PTPRQ: variants seen among roughly 807,000 people sequenced by gnomAD.
PTPRQ encodes phosphatidylinositol phosphatase PTPRQ.
A neutral mutation model predicts 246.0 loss-of-function variants in PTPRQ; 199 were observed. The ratio of observed to expected loss-of-function variants is 0.81; its 90% CI spans 0.72 to 0.91. The LOEUF is 0.91. Ranked by LOEUF, PTPRQ falls within the 40% of genes least tolerant of loss-of-function variation. The probability of loss-of-function intolerance (pLI) is 0.00; values close to 1 mark genes in which losing one functional copy is unlikely to be tolerated. For missense variants in PTPRQ, 2,624 were observed against 2,528.4 expected (o/e 1.04, Z -0.81); for synonymous variants, 869 against 853.2 (o/e 1.02, Z -0.32).
chr12:80,648,255 G>T (rs1900141092), intron 35 of PTPRQ, among the ~76,000 whole-genome samples: 1 of 151,934 alleles, frequency 6.6e-6, no homozygotes, highest in Non-Finnish European at 1.5e-5. Context: ...GTGCTAATTT[G>T]TTGTGCATGA....
At chr12:80,608,807 A>G (rs1008861147) in intron 27 of PTPRQ, among the ~76,000 whole-genome samples, 6 of 150,556 alleles carry the variant, frequency 4.0e-5, no homozygotes, top group African/African-American at 1.5e-4. Flanking sequence ...TGGGGCTCCA[A>G]TGAATGGGAC....
intron 8 of PTPRQ, among the ~76,000 whole-genome samples, chr12:80,484,061 A>C (rs1253838699): frequency 1.3e-5 from 2 of 151,716 alleles, no homozygotes; most frequent in African/African-American, 2.4e-5. Context: ...GCTGGAGTGC[A>C]GTGGTGCAAT....
chr12:80,604,177 G>T (rs1179300567), intron 26 of PTPRQ, among the ~76,000 whole-genome samples: 1 of 151,420 alleles, frequency 6.6e-6, no homozygotes, highest in Non-Finnish European at 1.5e-5. Context: ...TTTAAAAATT[G>T]AAAATATTGG....
chr12:80,631,967 G>A (rs1899453420), intron 33 of PTPRQ, among the ~76,000 whole-genome samples: 1 of 152,116 alleles, frequency 6.6e-6, no homozygotes, highest in South Asian at 2.1e-4. Flanking sequence ...GAGGCTAGAT[G>A]GGCTCACACT....
At position 80,555,880 on chromosome 12, in the gene PTPRQ, T is replaced by C. The variant is rs546449008; in HGVS notation, c.4285+6146T>C. Among the ~76,000 whole-genome samples, 398 of 152,322 alleles carry C rather than the reference T, an allele frequency of 2.6e-3. 1 individual carries two copies. Among genetic ancestry groups the C allele is most frequent in the Non-Finnish European group, 4.2e-3 (289 of 68,018 alleles). On this transcript the variant is annotated intron_variant, in intron 25 of 44. Coordinates refer to ENST00000644991, the MANE Select transcript of PTPRQ (RefSeq NM_001145026.2). ...CTGCTTGCTATGTTCAGGTTCTAGGTGTGGGGTTCAAGACCCAAGTTTGAG... is the reference window on the plus strand; with the variant it reads ...CTGCTTGCTATGTTCAGGTTCTAGGCGTGGGGTTCAAGACCCAAGTTTGAG...
chr12:80,630,225 C>G (rs964377175), intron 33 of PTPRQ, among the ~76,000 whole-genome samples: 2 of 151,766 alleles, frequency 1.3e-5, no homozygotes, highest in Non-Finnish European at 1.5e-5. Flanking sequence ...TTTTAAAGAG[C>G]CTTCTTTTCT....
At chr12:80,570,429 G>T (rs1339570640) in intron 25 of PTPRQ, among the ~76,000 whole-genome samples, 3 of 137,876 alleles carry the variant, frequency 2.2e-5, no homozygotes, top group African/African-American at 7.4e-5. Flanking sequence ...TGATGGGGTT[G>T]TTTGTTTTTT....
chr12:80,459,759 T>C (rs910456278), intron 5 of PTPRQ, among the ~76,000 whole-genome samples: 5 of 152,014 alleles, frequency 3.3e-5, no homozygotes, highest in Admixed American at 1.3e-4. Flanking sequence ...ATCAAAGGAG[T>C]AGCATTTGTG....
intron 26 of PTPRQ, among the ~76,000 whole-genome samples, chr12:80,588,689 A>G (rs1949276848): frequency 1.3e-5 from 2 of 152,204 alleles, no homozygotes; most frequent in Admixed American, 1.3e-4. Context: ...AAGGTCCTAG[A>G]GTCTCATATT....
chr12:80,476,504 C>T (rs148840381), intron 8 of PTPRQ, among the ~76,000 whole-genome samples: 6 of 152,084 alleles, frequency 3.9e-5, no homozygotes, highest in Non-Finnish European at 8.8e-5. Context: ...GAGTCTTTAC[C>T]GGTTACTTCA....
At chr12:80,568,365 G>C (rs997212693) in intron 25 of PTPRQ, among the ~76,000 whole-genome samples, 5 of 152,060 alleles carry the variant, frequency 3.3e-5, no homozygotes, top group African/African-American at 7.2e-5. Context: ...TCAAAGTTTA[G>C]ATCAGTTTTC....
intron 25 of PTPRQ, among the ~76,000 whole-genome samples, chr12:80,581,027 C>G (rs1177422412): frequency 6.6e-6 from 1 of 152,154 alleles, no homozygotes; most frequent in African/African-American, 2.4e-5. Context: ...TTGCTAGTAA[C>G]AAACACCAGC....
At chr12:80,513,531 G>C (rs1895187163) in intron 17 of PTPRQ, among the ~76,000 whole-genome samples, 1 of 152,110 alleles carries the variant, frequency 6.6e-6, no homozygotes, top group Non-Finnish European at 1.5e-5. Flanking sequence ...ATGGGGGCGT[G>C]GTGGGCCAGG....
chr12:80,606,959 T>C (rs1898347058), intron 27 of PTPRQ, among the ~76,000 whole-genome samples: 1 of 150,994 alleles, frequency 6.6e-6, no homozygotes, highest in African/African-American at 2.4e-5. Flanking sequence ...GAAATTCTGC[T>C]TAAAGGAACA....
At chr12:80,595,566 TTTA>T (rs921486296) in intron 26 of PTPRQ, among the ~76,000 whole-genome samples, 3 of 151,792 alleles carry the variant, frequency 2.0e-5, no homozygotes, top group Admixed American at 6.6e-5. Flanking sequence ...CCAGTATATA[TTTA>T]TTATTATTAT....
intron 6 of PTPRQ, among the ~76,000 whole-genome samples, chr12:80,466,785 G>A (rs1262312623): frequency 1.3e-5 from 2 of 152,146 alleles, no homozygotes; most frequent in Non-Finnish European, 2.9e-5. Context: ...AAATGGTGCT[G>A]GGAAAACTGG....
intron 35 of PTPRQ, among the ~76,000 whole-genome samples, chr12:80,636,501 T>G (rs538434802): frequency 3.0e-4 from 46 of 152,296 alleles, no homozygotes; most frequent in South Asian, 1.0e-3. Flanking sequence ...CCTCCTAGCC[T>G]CCTTCCTGCA....
In PTPRQ at chr12:80,610,494, C is replaced by A; in HGVS notation, c.4787C>A (p.Thr1596Asn). 2.0e-6 allele frequency: 3 copies of A among 1,526,944 alleles called. No individual in the cohort carries two copies. Among genetic ancestry groups the A allele is most frequent in the Non-Finnish European group, 2.7e-6 (3 of 1,131,904 alleles). 94.6% of individuals were successfully genotyped at this position (1,526,944 alleles called of 1,614,324 possible). The change falls in exon 28 of 45, where the codon ACC (threonine) becomes AAC (asparagine). Residue 1596 changes from threonine (T) to asparagine (N), a missense_variant. Thr to Asn is a moderately conservative substitution (Grantham distance 65). Transcript: ENST00000644991. ...ATCAAGTCAAATGAAGAAAATAAAACCATAGAAATTAAAGATTTAGAAATA... is the reference window on the plus strand; with the variant it reads ...ATCAAGTCAAATGAAGAAAATAAAAACATAGAAATTAAAGATTTAGAAATA... ...SFIKSNEENK[T>N]IEIKDLEIFT...
At chr12:80,604,290 A>T (rs534957686) in intron 26 of PTPRQ, among the ~76,000 whole-genome samples, 4 of 151,688 alleles carry the variant, frequency 2.6e-5, no homozygotes, top group African/African-American at 9.6e-5. Flanking sequence ...TCTGTGTGAA[A>T]TTAACTGTGG....
Sources: allele counts gnomAD v4.1 joint callset (sites outside exome capture counted in the v4.1 genomes callset), GRCh38; gene constraint gnomAD v4.1.1; transcripts MANE v1.5; gene names NCBI Gene and HGNC (gene_info 2026-07-23, HGNC 2026-07-21).